Variants in DOCK8 observed in about 807,000 individuals in gnomAD.
DOCK8 encodes the protein dedicator of cytokinesis 8, also known as dedicator of cytokinesis protein 8.
A neutral mutation model predicts 245.6 loss-of-function variants in DOCK8; 141 were observed. The ratio of observed to expected loss-of-function variants is 0.57; its 90% CI spans 0.50 to 0.66. The LOEUF is 0.66. DOCK8 is among the 30% of genes least tolerant of loss of function. The pLI, the probability that DOCK8 is intolerant of heterozygous loss-of-function variation, is 0.00. For missense variants in DOCK8, 2,965 were observed against 2,603.4 expected (o/e 1.14, Z -3.02); for synonymous variants, 1,168 against 970.2 (o/e 1.20, Z -3.79).
intron 2 of DOCK8, among the ~76,000 whole-genome samples, chr9:276,195 TA>T (rs35337018): frequency 0.2 from 29,712 of 152,122 alleles, 3,200 homozygotes; most frequent in African/African-American, 0.28. Flanking sequence ...TCGGCCCATT[TA>T]AAAAAACTTT....
In DOCK8 at chr9:260,208, G is replaced by A. The variant is rs143693036; in HGVS notation, c.54-11419G>A. On this transcript the variant is annotated intron_variant, in intron 1 of 47. Transcript: ENST00000432829. ...CTTGACAGCCACTTGGAGTCCTCAT[G>A]AGAACCTCAAACTTAGTATGCCCAA... 4.3e-4 allele frequency among the ~76,000 whole-genome samples: 66 copies of A among 152,300 alleles called. 1 individual carries two copies. Among genetic ancestry groups the A allele is most frequent in the Admixed American group, 3.6e-3 (55 of 15,300 alleles).
At chr9:339,564 G>C (rs1446765209) in intron 13 of DOCK8, among the ~76,000 whole-genome samples, 1 of 152,258 alleles carries the variant, frequency 6.6e-6, no homozygotes. Context: ...CACCAGGCTG[G>C]AGTGCAGTGG....
rs1421074365 is a variant in DOCK8 at position 400,318 on chromosome 9, ACCTCCACCACCACCACCT to A, written c.3234+1087_3234+1104del. Among the ~76,000 whole-genome samples, 21 of 71,730 alleles carry A rather than the reference ACCTCCACCACCACCACCT, an allele frequency of 2.9e-4. 1 individual carries two copies. Among genetic ancestry groups the A allele is most frequent in the East Asian group, 2.6e-3 (4 of 1,534 alleles). The allele number at this position is 71,730 out of a possible 152,430, so 47.1% of individuals were successfully genotyped here. A position where few individuals can be genotyped will look rare whatever the true frequency, so the allele number is the denominator to read the frequency against. On this transcript the variant is annotated intron_variant, in intron 26 of 47. Transcript: ENST00000432829. ...CACCACCATCTTCACCGTCACCACCACCTCCACCACCACCACCTCCTCCACCACCACCACCTCCTCCAC... is the reference window on the plus strand; with the variant it reads ...CACCACCATCTTCACCGTCACCACCACCTCCACCACCACCACCTCCTCCAC...
intron 14 of DOCK8, among the ~76,000 whole-genome samples, chr9:355,988 G>C (rs140699330): frequency 2.6e-3 from 391 of 152,268 alleles, no homozygotes; most frequent in Middle Eastern, 3.4e-3. Flanking sequence ...ATGACTTTCA[G>C]GCAGAAAAAG....
At chr9:217,890 T>A (rs1253154539) in intron 1 of DOCK8, among the ~76,000 whole-genome samples, 2 of 152,200 alleles carry the variant, frequency 1.3e-5, no homozygotes, top group Non-Finnish European at 2.9e-5. Context: ...AGAGCTGGGA[T>A]TGCAAACTGC....
At chr9:315,163 T>A (rs1241606420) in intron 6 of DOCK8, among the ~76,000 whole-genome samples, 3 of 152,110 alleles carry the variant, frequency 2.0e-5, no homozygotes, top group Non-Finnish European at 4.4e-5. Context: ...AAATGTGGAG[T>A]TGACCTCTGG....
chr9:229,872 C>A (rs936911916), intron 1 of DOCK8, among the ~76,000 whole-genome samples: 19 of 151,272 alleles, frequency 1.3e-4, no homozygotes, highest in African/African-American at 4.4e-4. Context: ...TTATTTTTTT[C>A]TTTTCATTTA....
chr9:252,195 G>A (rs1477077681), intron 1 of DOCK8, among the ~76,000 whole-genome samples: 2 of 151,662 alleles, frequency 1.3e-5, no homozygotes, highest in Non-Finnish European at 2.9e-5. Context: ...GGTTGGTCTC[G>A]AACTCCTGAC....
At chr9:257,543 C>T (rs1463445957) in intron 1 of DOCK8, among the ~76,000 whole-genome samples, 1 of 152,010 alleles carries the variant, frequency 6.6e-6, no homozygotes, top group Non-Finnish European at 1.5e-5. Flanking sequence ...TTTTTTGAGA[C>T]AGAGTCTCAC....
intron 1 of DOCK8, among the ~76,000 whole-genome samples, chr9:216,707 A>G (rs627889): frequency 0.27 from 41,409 of 151,840 alleles, 6,216 homozygotes; most frequent in East Asian, 0.37. Flanking sequence ...TATTTGCTAT[A>G]GCTCCTGATC....
chr9:403,683 G>C (rs2055216844), intron 26 of DOCK8, among the ~76,000 whole-genome samples: 1 of 151,574 alleles, frequency 6.6e-6, no homozygotes, highest in Non-Finnish European at 1.5e-5. Context: ...GGCCAATATG[G>C]TTAAACCCCA....
intron 5 of DOCK8, among the ~76,000 whole-genome samples, chr9:307,341 T>G (rs867679470): frequency 6.3e-4 from 4 of 6,390 alleles, no homozygotes; most frequent in Non-Finnish European, 6.8e-4. Context: ...TTTTTTTGTT[T>G]TTTTTTTTTT....
At chr9:308,500 G>A (rs1224524484) in intron 5 of DOCK8, among the ~76,000 whole-genome samples, 1 of 152,294 alleles carries the variant, frequency 6.6e-6, no homozygotes, top group South Asian at 2.1e-4. Flanking sequence ...GAATGGTGAG[G>A]CCACATAGCT....
At chr9:275,065 A>G (rs1384975120) in intron 2 of DOCK8, among the ~76,000 whole-genome samples, 1 of 152,234 alleles carries the variant, frequency 6.6e-6, no homozygotes, top group African/African-American at 2.4e-5. Context: ...GTTGTCATTT[A>G]TTAGTCATGT....
chr9:337,305 G>A (rs1462654453), intron 12 of DOCK8, among the ~76,000 whole-genome samples: 3 of 152,184 alleles, frequency 2.0e-5, no homozygotes, highest in African/African-American at 7.2e-5. Flanking sequence ...CTAGCAGGAA[G>A]GTCAGGTGAC....
At chr9:272,868 T>C (rs1464577429) in intron 2 of DOCK8, 2 of 173,790 alleles carry the variant, frequency 1.2e-5, no homozygotes, top group Non-Finnish European at 2.3e-5. Context: ...GAATATTCAC[T>C]TCCTCTGTGA....
chr9:280,230 G>C (rs971601408), intron 2 of DOCK8, among the ~76,000 whole-genome samples: 1 of 152,090 alleles, frequency 6.6e-6, no homozygotes, highest in Non-Finnish European at 1.5e-5. Context: ...CTAGTCTACT[G>C]ACCAGAAGTC....
In DOCK8 at chr9:396,937, A is replaced by G. The variant is rs766270497; in HGVS notation, c.3120+3A>G. Reference sequence around the variant, plus strand: ...CCCTTTTAGTAAAACCACAGAAGGTAACTGTATTTTACTCTTTATTTTCTA... The same window carrying G: ...CCCTTTTAGTAAAACCACAGAAGGTGACTGTATTTTACTCTTTATTTTCTA... On this transcript the variant is annotated splice_donor_region_variant and intron_variant, in intron 25 of 47. Coordinates refer to ENST00000432829, the MANE Select transcript of DOCK8 (RefSeq NM_203447.4). 6.2e-7 allele frequency: 1 copy of G among 1,613,640 alleles called. No individual in the cohort carries two copies. The highest frequency in any genetic ancestry group is 8.5e-7 in the Non-Finnish European group (1 of 1,179,632).
At chr9:356,300 G>A (rs139282905) in intron 14 of DOCK8, among the ~76,000 whole-genome samples, 36 of 152,198 alleles carry the variant, frequency 2.4e-4, no homozygotes, top group Admixed American at 8.5e-4. Flanking sequence ...AGACCGAGGC[G>A]GGCGGATCAC....
Sources: allele counts gnomAD v4.1 joint callset (sites outside exome capture counted in the v4.1 genomes callset), GRCh38; gene constraint gnomAD v4.1.1; transcripts MANE v1.5; gene names NCBI Gene and HGNC (gene_info 2026-07-23, HGNC 2026-07-21).